The following TRIM24 variants were observed in gnomAD, a reference collection of about 807,000 sequenced individuals.
The protein encoded by TRIM24 is tripartite motif containing 24.
TRIM24 carries 29 observed loss-of-function variants against 123.9 expected under a neutral mutation model. The ratio of observed to expected loss-of-function variants is 0.23; its 90% CI spans 0.17 to 0.32. TRIM24 has a LOEUF of 0.32. TRIM24 is among the 10% of genes least tolerant of loss of function. The pLI is 1.00. For missense variants in TRIM24, 932 were observed against 1,295.3 expected, an observed-to-expected ratio of 0.72 and a Z score of 4.31; for synonymous variants, 456 against 461.1, an observed-to-expected ratio of 0.99 and a Z score of 0.14.
At chr7:138,498,845 G>T (rs2116515622) in intron 1 of TRIM24, among the ~76,000 whole-genome samples, 1 of 152,088 alleles carries the variant, frequency 6.6e-6, no homozygotes, top group East Asian at 1.9e-4. Flanking sequence ...TGTTGACCAG[G>T]CTGGTCTTCA....
chr7:138,577,322 G>A (rs1745523779), intron 13 of TRIM24, 98 bp from the exon 14 acceptor site: 1 of 950,234 alleles, frequency 1.1e-6, no homozygotes, highest in Non-Finnish European at 1.5e-6. Flanking sequence ...ACTTATTGTT[G>A]TGAAGATACA....
At chr7:138,560,575 T>C (rs1797405825) in intron 9 of TRIM24, among the ~76,000 whole-genome samples, 1 of 152,184 alleles carries the variant, frequency 6.6e-6, no homozygotes, top group African/African-American at 2.4e-5. Flanking sequence ...AAATTAGATA[T>C]TGTTTGCAAA....
chr7:138,481,424 T>C (rs1288440800), intron 1 of TRIM24, among the ~76,000 whole-genome samples: 1 of 152,176 alleles, frequency 6.6e-6, no homozygotes, highest in Non-Finnish European at 1.5e-5. Context: ...ATTCTCGCTA[T>C]CTTCTTCCAT....
At chr7:138,482,870 T>C (rs899976999) in intron 1 of TRIM24, among the ~76,000 whole-genome samples, 1 of 152,172 alleles carries the variant, frequency 6.6e-6, no homozygotes, top group Non-Finnish European at 1.5e-5. Context: ...CTCAAAATGC[T>C]GAGAGCTTTT....
At chr7:138,519,423 G>T (rs1796462527) in intron 4 of TRIM24, 102 bp downstream of exon 4, 3 of 1,372,282 alleles carry the variant, frequency 2.2e-6, no homozygotes, top group South Asian at 1.4e-5. Flanking sequence ...AATAGGTTTT[G>T]TTTGGCCAGC....
chr7:138,582,877 T>C lies in TRIM24; in HGVS notation c.2794-973T>C, dbSNP rs186246844. ...AAATAAATACCTCCAGGGAGAAGGG[T>C]CTTTTGTACCCAAAAGAGGCAGGGT... On this transcript the variant is annotated intron_variant, in intron 17 of 18. Coordinates refer to ENST00000343526, the MANE Select transcript of TRIM24 (RefSeq NM_015905.3). Among the ~76,000 whole-genome samples, 87 of 152,280 alleles carry C rather than the reference T, an allele frequency of 5.7e-4. 1 individual carries two copies. Among genetic ancestry groups the C allele is most frequent in the Admixed American group, 3.7e-3 (57 of 15,296 alleles).
chr7:138,497,234 G>C (rs938110729), intron 1 of TRIM24, among the ~76,000 whole-genome samples: 1 of 151,786 alleles, frequency 6.6e-6, no homozygotes, highest in Non-Finnish European at 1.5e-5. Flanking sequence ...GGTTGGTTTG[G>C]TTTGGATCTT....
intron 1 of TRIM24, among the ~76,000 whole-genome samples, chr7:138,489,407 T>C (rs1795728203): frequency 6.6e-6 from 1 of 152,198 alleles, no homozygotes; most frequent in Non-Finnish European, 1.5e-5. Context: ...TAGCCGGTTA[T>C]TTTGCCCGTT....
chr7:138,498,098 G>T (rs1007777995), intron 1 of TRIM24, among the ~76,000 whole-genome samples: 3 of 152,030 alleles, frequency 2.0e-5, no homozygotes. Context: ...TCAGCTCACT[G>T]CAACCTCTGC....
At chr7:138,579,560 CTT>C (rs1162849173) in intron 15 of TRIM24, 28 bp downstream of exon 15, 3 of 1,511,240 alleles carry the variant, frequency 2.0e-6, no homozygotes, top group African/African-American at 2.8e-5. Flanking sequence ...TTCCCACATT[CTT>C]TTACTGTAAA....
intron 1 of TRIM24, chr7:138,491,155 G>T: frequency 3.4e-6 from 1 of 295,160 alleles, no homozygotes; most frequent in South Asian, 3.8e-5. Flanking sequence ...CATTCTGCAA[G>T]TCAACAAAGA....
At chr7:138,484,726 A>C (rs1422620080) in intron 1 of TRIM24, among the ~76,000 whole-genome samples, 1 of 152,112 alleles carries the variant, frequency 6.6e-6, no homozygotes, top group Non-Finnish European at 1.5e-5. Context: ...CTACTGATTT[A>C]ATTTCCCTGA....
chr7:138,502,708 TC>T (rs1417919563), intron 1 of TRIM24, among the ~76,000 whole-genome samples: 1 of 152,216 alleles, frequency 6.6e-6, no homozygotes, highest in Admixed American at 6.5e-5. Flanking sequence ...TTACGTTTAC[TC>T]CATCTTCTCT....
chr7:138,537,925 T>C (rs1424310698), intron 6 of TRIM24, among the ~76,000 whole-genome samples: 1 of 152,226 alleles, frequency 6.6e-6, no homozygotes, highest in East Asian at 1.9e-4. Context: ...TCCTTTTTCC[T>C]TGCTAGGTCT....
At chr7:138,501,853 A>G (rs1235961896) in intron 1 of TRIM24, among the ~76,000 whole-genome samples, 1 of 150,878 alleles carries the variant, frequency 6.6e-6, no homozygotes, top group African/African-American at 2.4e-5. Flanking sequence ...ATGTCACTAC[A>G]CTCCAGCCTG....
chr7:138,565,513 G>A (rs1797517997), intron 9 of TRIM24, among the ~76,000 whole-genome samples: 1 of 152,142 alleles, frequency 6.6e-6, no homozygotes, highest in Admixed American at 6.5e-5. Flanking sequence ...TGGCGCCTGG[G>A]GTCACAGGTC....
intron 1 of TRIM24, chr7:138,490,908 G>A: frequency 7.4e-6 from 3 of 407,572 alleles, no homozygotes; most frequent in South Asian, 5.9e-5. Flanking sequence ...CAGAGCATAA[G>A]AGATCTTCCG....
chr7:138,531,575 C>A (rs1221800848), intron 6 of TRIM24, among the ~76,000 whole-genome samples: 1 of 152,128 alleles, frequency 6.6e-6, no homozygotes, highest in Non-Finnish European at 1.5e-5. Context: ...GCATAGTATT[C>A]CATGGTGTAT....
intron 14 of TRIM24, among the ~76,000 whole-genome samples, chr7:138,578,564 G>GTGTGTGCA (rs199523768): frequency 2.7e-5 from 2 of 75,448 alleles, no homozygotes; most frequent in African/African-American, 7.9e-5. Flanking sequence ...GTGTGTGTGT[G>GTGTGTGCA]CGCGCACGCA....
Sources: gnomAD v4.1 joint callset for allele counts (sites outside exome capture counted in the v4.1 genomes callset) on GRCh38, gnomAD v4.1.1 for gene constraint, MANE v1.5 for transcripts, NCBI Gene and HGNC (gene_info 2026-07-23, HGNC 2026-07-21) for gene names.